Variants in SLC35F1 observed in about 807,000 individuals in gnomAD.
SLC35F1 encodes chromosome 6 open reading frame 169.
SLC35F1 carries 14 observed loss-of-function variants against 48.7 expected under a neutral mutation model. The ratio of observed to expected loss-of-function variants is 0.29; its 90% CI spans 0.19 to 0.45. The LOEUF is 0.45. SLC35F1 is among the 20% of genes least tolerant of loss of function. The pLI, the probability that SLC35F1 is intolerant of heterozygous loss-of-function variation, is 1.00. For synonymous variants in SLC35F1, 190 were observed against 202.2 expected, an observed-to-expected ratio of 0.94 and a Z score of 0.51; for missense variants, 404 against 500.0, an observed-to-expected ratio of 0.81 and a Z score of 1.83.
At chr6:118,005,592 C>G (rs1777163046) in intron 1 of SLC35F1, among the ~76,000 whole-genome samples, 1 of 152,154 alleles carries the variant, frequency 6.6e-6, no homozygotes, top group African/African-American at 2.4e-5. Flanking sequence ...CTCCTTCTCT[C>G]CTGTCCTCCA....
intron 2 of SLC35F1, among the ~76,000 whole-genome samples, chr6:118,226,497 C>CACACACAA (rs889133787): frequency 6.6e-6 from 1 of 151,770 alleles, no homozygotes; most frequent in African/African-American, 2.4e-5. Context: ...CACACACACA[C>CACACACAA]ACACACACAA....
intron 1 of SLC35F1, among the ~76,000 whole-genome samples, chr6:117,964,244 C>T (rs947477325): frequency 5.3e-5 from 8 of 152,186 alleles, no homozygotes; most frequent in African/African-American, 1.7e-4. Flanking sequence ...CCACCACTTT[C>T]ACCTGTGCTT....
intron 1 of SLC35F1, among the ~76,000 whole-genome samples, chr6:118,141,935 T>G (rs1482092109): frequency 1.3e-5 from 2 of 152,230 alleles, no homozygotes; most frequent in Non-Finnish European, 2.9e-5. Context: ...TTCATTTTTT[T>G]TCCTTCTTTG....
intron 1 of SLC35F1, among the ~76,000 whole-genome samples, chr6:117,951,371 C>A (rs1489310348): frequency 2.6e-5 from 4 of 152,084 alleles, no homozygotes; most frequent in Non-Finnish European, 5.9e-5. Flanking sequence ...ATGGTCTAAA[C>A]ATAAAACTGT....
At chr6:118,095,907 T>G (rs2114354463) in intron 1 of SLC35F1, among the ~76,000 whole-genome samples, 1 of 152,280 alleles carries the variant, frequency 6.6e-6, no homozygotes, top group East Asian at 1.9e-4. Context: ...GTGTTTCTGT[T>G]TAAGGTTCTT....
intron 1 of SLC35F1, among the ~76,000 whole-genome samples, chr6:118,062,424 T>A (rs532380547): frequency 1.3e-4 from 20 of 152,312 alleles, no homozygotes; most frequent in African/African-American, 4.8e-4. Flanking sequence ...ACATGAGGTA[T>A]TTTGATACAG....
At chr6:118,177,968 GGTA>G (rs924880770) in intron 2 of SLC35F1, among the ~76,000 whole-genome samples, 1 of 151,964 alleles carries the variant, frequency 6.6e-6, no homozygotes, top group African/African-American at 2.4e-5. Flanking sequence ...TACCTGCCGT[GGTA>G]GTACTGAGGT....
intron 1 of SLC35F1, among the ~76,000 whole-genome samples, chr6:118,057,704 G>C (rs1772482478): frequency 6.6e-6 from 1 of 152,108 alleles, no homozygotes; most frequent in South Asian, 2.1e-4. Context: ...AAGATTCTGG[G>C]AAAAATCAAG....
At chr6:117,944,697 G>A (rs544740726) in intron 1 of SLC35F1, among the ~76,000 whole-genome samples, 1 of 151,920 alleles carries the variant, frequency 6.6e-6, no homozygotes, top group East Asian at 1.9e-4. Flanking sequence ...CCATCCCTAT[G>A]GATGCATCTG....
At chr6:118,191,540 T>A (rs917126856) in intron 2 of SLC35F1, among the ~76,000 whole-genome samples, 1 of 152,174 alleles carries the variant, frequency 6.6e-6, no homozygotes, top group Non-Finnish European at 1.5e-5. Flanking sequence ...GGAGGGACCC[T>A]TCTCAGTTGT....
intron 1 of SLC35F1, among the ~76,000 whole-genome samples, chr6:117,924,765 T>C (rs1224495933): frequency 1.3e-5 from 2 of 152,142 alleles, no homozygotes; most frequent in Non-Finnish European, 2.9e-5. Context: ...TATAATAGTA[T>C]CAAGGATCTG....
chr6:118,144,475 A>C (rs1364354788), intron 1 of SLC35F1, among the ~76,000 whole-genome samples: 1 of 151,970 alleles, frequency 6.6e-6, no homozygotes, highest in Non-Finnish European at 1.5e-5. Context: ...TAAATAGCTA[A>C]TGCATGCTGG....
chr6:118,235,525 G>C lies in SLC35F1; in HGVS notation c.366G>C (p.Leu122=). ...GTAACACAGGAGAAGAAAACCTCCT[G>C]GCAATTTTACGACGAAGATGGTGGA... ...LAVRQGEENL[L]AILRRRWWKY... Residue 122 remains leucine (L), a synonymous_variant, in exon 3 of 8, where the codon CTG becomes CTC. Transcript: ENST00000360388. The C allele has an allele frequency of 1.9e-6, 3 of 1,612,668 alleles. No homozygotes were observed. The African/African-American group carries it at 4.0e-5, about 22-fold the overall frequency.
chr6:118,085,834 T>C (rs987617295), intron 1 of SLC35F1, among the ~76,000 whole-genome samples: 1 of 152,136 alleles, frequency 6.6e-6, no homozygotes, highest in South Asian at 2.1e-4. Flanking sequence ...ATGGATGGAT[T>C]TGGGGCCTAA....
chr6:118,306,504 G>C (rs1308496907), intron 7 of SLC35F1, among the ~76,000 whole-genome samples: 2 of 152,196 alleles, frequency 1.3e-5, no homozygotes, highest in Non-Finnish European at 2.9e-5. Context: ...GTTTTGCAGA[G>C]GGAAAGTAGA....
chr6:118,126,233 G>A (rs1324594073), intron 1 of SLC35F1, among the ~76,000 whole-genome samples: 1 of 152,124 alleles, frequency 6.6e-6, no homozygotes, highest in African/African-American at 2.4e-5. Flanking sequence ...GTTAGGATTA[G>A]ATGGATTAAT....
At chr6:118,171,829 A>G (rs1774408948) in intron 2 of SLC35F1, among the ~76,000 whole-genome samples, 1 of 151,938 alleles carries the variant, frequency 6.6e-6, no homozygotes. Context: ...GTCCCAGTGG[A>G]CTCCTTTTCT....
intron 2 of SLC35F1, among the ~76,000 whole-genome samples, chr6:118,174,522 G>A (rs1774457352): frequency 6.6e-6 from 1 of 151,650 alleles, no homozygotes; most frequent in Non-Finnish European, 1.5e-5. Flanking sequence ...GAGAGGAGAG[G>A]AAGAAAAACA....
chr6:118,235,686 T>A (rs1426218685), intron 3 of SLC35F1, 50 bp downstream of exon 3: 1 of 1,586,410 alleles, frequency 6.3e-7, no homozygotes, highest in South Asian at 1.1e-5. Context: ...CAGATGTAGT[T>A]TACTTTCAGT....
Sources: allele counts gnomAD v4.1 joint callset (sites outside exome capture counted in the v4.1 genomes callset), GRCh38; gene constraint gnomAD v4.1.1; transcripts MANE v1.5; gene names NCBI Gene and HGNC (gene_info 2026-07-23, HGNC 2026-07-21).